The following CDKL5 variants were observed in gnomAD, a reference collection of about 807,000 sequenced individuals.
The protein encoded by CDKL5 is cyclin-dependent kinase-like 5.
A neutral mutation model predicts 61.7 loss-of-function variants in CDKL5; 8 were observed. The observed-to-expected ratio is 0.13, with a 90% CI of 0.08 to 0.23. The LOEUF (loss-of-function observed/expected upper bound fraction) is 0.23. CDKL5 is among the 10% of genes least tolerant of loss of function. The probability of loss-of-function intolerance (pLI) is 1.00; values close to 1 mark genes in which losing one functional copy is unlikely to be tolerated. For missense variants in CDKL5, 440 were observed against 734.5 expected (o/e 0.60, Z 4.63); for synonymous variants, 275 against 272.3 (o/e 1.01, Z -0.10).
intron 4 of CDKL5, 83 bp from the exon 5 acceptor site, chrX:18,575,271 G>T (rs1286683728): frequency 1.1e-6 from 1 of 884,622 alleles, no homozygotes; most frequent in African/African-American, 2.0e-5. Context: ...GTGAAATTGG[G>T]ATGTTTTCAG....
chrX:18,550,414 A>T (rs185292209), intron 3 of CDKL5, among the ~76,000 whole-genome samples: 4 of 111,927 alleles, frequency 3.6e-5, no homozygotes, highest in Non-Finnish European at 7.5e-5. Context: ...CCTGAACAAG[A>T]CTATAAACCA....
chrX:18,496,053 A>G (rs1922158885), intron 1 of CDKL5, among the ~76,000 whole-genome samples: 1 of 112,447 alleles, frequency 8.9e-6, no homozygotes, highest in Non-Finnish European at 1.9e-5. Flanking sequence ...AGAATGAATG[A>G]ATAACCATTG....
chrX:18,543,853 C>A (rs112170850), intron 3 of CDKL5, among the ~76,000 whole-genome samples: 3,282 of 112,002 alleles, frequency 0.029, 55 homozygotes, highest in Non-Finnish European at 0.048. Flanking sequence ...TAGCTTCATA[C>A]TACCTGGCTG....
At chrX:18,473,874 G>T (rs992819198) in intron 1 of CDKL5, among the ~76,000 whole-genome samples, 1 of 107,953 alleles carries the variant, frequency 9.3e-6, no homozygotes, top group Admixed American at 1.0e-4. Context: ...TGTATGAAAA[G>T]TAGGCCATCA....
At chrX:18,509,245 A>C (rs187878491) in intron 2 of CDKL5, among the ~76,000 whole-genome samples, 4,185 of 95,276 alleles carry the variant, frequency 0.044, 135 homozygotes, top group East Asian at 0.14. Flanking sequence ...ACACACACAC[A>C]CCCCTGTCAA....
Position 18,551,038 on chromosome X carries a change from T to G in CDKL5, c.100-13439T>G, listed in dbSNP as rs562071925. Among the ~76,000 whole-genome samples, 8 of 112,327 alleles carry G rather than the reference T, an allele frequency of 7.1e-5. No homozygotes were observed. The South Asian group carries it at 3.0e-3, about 42-fold the overall frequency. ...TCTATAAGTATGGAGCTAGACTGTT[T>G]TGAAAGTTCACCTTTCTCTCTTTCC... On this transcript the variant is annotated intron_variant, in intron 3 of 17. Transcript: ENST00000623535.
chrX:18,540,064 A>T (rs1423935051), intron 3 of CDKL5, among the ~76,000 whole-genome samples: 1 of 112,445 alleles, frequency 8.9e-6, no homozygotes, highest in African/African-American at 3.2e-5. Flanking sequence ...GAGCAAAAGG[A>T]TAGTCTTATA....
At chrX:18,644,400 T>A, downstream of CDKL5, 2 of 1,197,845 alleles carry the variant, frequency 1.7e-6, no homozygotes, top group Non-Finnish European at 2.3e-6. Flanking sequence ...GGGTGCGAGC[T>A]GAAGTTGGTT....
chrX:18,511,532 A>G (rs1262817281), intron 3 of CDKL5, among the ~76,000 whole-genome samples: 2 of 111,691 alleles, frequency 1.8e-5, no homozygotes, highest in Non-Finnish European at 3.8e-5. Flanking sequence ...ACAAATACTT[A>G]TCATTGACTA....
chrX:18,592,964 G>A (rs1275489094), intron 9 of CDKL5, among the ~76,000 whole-genome samples: 1 of 112,110 alleles, frequency 8.9e-6, no homozygotes, highest in African/African-American at 3.2e-5. Context: ...TGTGGTTCAA[G>A]GCCTGGTTCC....
At chrX:18,555,844 T>C (rs772990207) in intron 3 of CDKL5, among the ~76,000 whole-genome samples, 2 of 112,427 alleles carry the variant, frequency 1.8e-5, no homozygotes, top group Non-Finnish European at 3.8e-5. Flanking sequence ...AGTTGACTGA[T>C]TGAAACGCTC....
At chrX:18,598,322 T>C in intron 10 of CDKL5, 140 bp from the exon 11 acceptor site, 1 of 482,136 alleles carries the variant, frequency 2.1e-6, no homozygotes, top group East Asian at 3.7e-5. Context: ...TAGTCTTTTT[T>C]TTTTTATTTC....
intron 1 of CDKL5, among the ~76,000 whole-genome samples, chrX:18,472,628 C>T (rs1315729755): frequency 6.3e-5 from 7 of 111,118 alleles, no homozygotes; most frequent in Non-Finnish European, 1.3e-4. Context: ...AAATACAGAG[C>T]ATCAAAATTT....
chrX:18,441,048 A>G (rs1282912031), intron 1 of CDKL5, among the ~76,000 whole-genome samples: 5 of 111,464 alleles, frequency 4.5e-5, no homozygotes, highest in Non-Finnish European at 9.4e-5. Context: ...TGATGACCAC[A>G]GACATCTAGG....
intron 21 of CDKL5, among the ~76,000 whole-genome samples, chrX:18,652,837 A>G (rs918869365): frequency 8.9e-6 from 1 of 112,683 alleles, no homozygotes; most frequent in Non-Finnish European, 1.9e-5. Flanking sequence ...CTTCTGAGCC[A>G]TGATGTGATC....
intron 3 of CDKL5, among the ~76,000 whole-genome samples, chrX:18,523,076 G>C (rs1011703834): frequency 1.8e-5 from 2 of 111,458 alleles, no homozygotes; most frequent in African/African-American, 6.5e-5. Flanking sequence ...GATTACAGGC[G>C]TGAGCCACCA....
At chrX:18,646,022 G>C (rs962965944) in exon 20 of CDKL5, 43 of 1,211,906 alleles carry the variant, frequency 3.5e-5, no homozygotes, top group Non-Finnish European at 4.7e-5. Flanking sequence ...GGATGTGATG[G>C]CAGAAGACAG....
At chrX:18,455,829 C>A (rs1211447414) in intron 1 of CDKL5, among the ~76,000 whole-genome samples, 1 of 112,132 alleles carries the variant, frequency 8.9e-6, no homozygotes, top group Non-Finnish European at 1.9e-5. Flanking sequence ...TCTGTAAAGC[C>A]TGTTTCTGTC....
chrX:18,575,626 GTGT>G, intron 5 of CDKL5, 136 bp downstream of exon 5: 2 of 579,601 alleles, frequency 3.5e-6, no homozygotes, highest in Non-Finnish European at 5.7e-6. Context: ...AAAAATGAAA[GTGT>G]TGTTAATAAT....
Sources: allele counts gnomAD v4.1 joint callset (sites outside exome capture counted in the v4.1 genomes callset), GRCh38; gene constraint gnomAD v4.1.1; transcripts MANE v1.5; gene names NCBI Gene and HGNC (gene_info 2026-07-23, HGNC 2026-07-21).